Variants in JMJD1C observed in about 807,000 individuals in gnomAD.
JMJD1C encodes jumonji domain containing 1C, also known as jumonji domain-containing protein 1C.
Under a neutral mutation model 245.3 loss-of-function variants are expected in JMJD1C, and 31 were observed. The observed-to-expected ratio is 0.13, with a 90% CI of 0.09 to 0.17. The LOEUF (loss-of-function observed/expected upper bound fraction) is 0.17. Ranked by LOEUF, JMJD1C falls within the 10% of genes least tolerant of loss-of-function variation. The pLI is 1.00. For missense variants in JMJD1C, 2,691 were observed against 3,000.2 expected (o/e 0.90, Z 2.41); for synonymous variants, 1,057 against 1,017.4 (o/e 1.04, Z -0.74).
chr10:63,281,317 TTTTTG>T (rs1434984139), intron 2 of JMJD1C, among the ~76,000 whole-genome samples: 3 of 143,252 alleles, frequency 2.1e-5, no homozygotes, highest in Admixed American at 6.7e-5. Context: ...CTGTTTTTTT[TTTTTG>T]TTTGTTTTTT....
intron 1 of JMJD1C, among the ~76,000 whole-genome samples, chr10:63,444,228 GAATT>G (rs1951557979): frequency 6.6e-6 from 1 of 152,054 alleles, no homozygotes; most frequent in Admixed American, 6.5e-5. Flanking sequence ...GCATCTCAAA[GAATT>G]AAAGATAAAT....
Position 63,207,663 on chromosome 10 carries a change from C to G in JMJD1C, c.4006G>C (p.Gly1336Arg), listed in dbSNP as rs1846802545. The G allele has an allele frequency of 3.7e-6, 6 of 1,614,088 alleles. No homozygotes were observed. In the East Asian group the frequency reaches 1.3e-4, roughly 36 times the overall value. The change falls in exon 10 of 26, where the codon GGG becomes CGG. Residue 1336 changes from glycine to arginine, a missense_variant. Coordinates refer to ENST00000399262, the MANE Select transcript of JMJD1C (RefSeq NM_032776.3). Reference protein sequence around the residue: ...KDRVSERSSAGAHKTDCLKLA... With the variant: ...KDRVSERSSARAHKTDCLKLA... ...TTGAGGCAATCTGTTTTATGTGCCCCAGCTGAAGATCTTTCACTAACACGA... is the reference window on the plus strand; with the variant it reads ...TTGAGGCAATCTGTTTTATGTGCCCGAGCTGAAGATCTTTCACTAACACGA...
intron 3 of JMJD1C, among the ~76,000 whole-genome samples, chr10:63,225,756 G>A (rs1849192858): frequency 6.6e-6 from 1 of 150,460 alleles, no homozygotes; most frequent in Non-Finnish European, 1.5e-5. Context: ...TCCAGCCCGG[G>A]CAGCAAGAGC....
At chr10:63,359,848 G>A (rs1156970654) in intron 2 of JMJD1C, among the ~76,000 whole-genome samples, 1 of 151,900 alleles carries the variant, frequency 6.6e-6, no homozygotes, top group African/African-American at 2.4e-5. Context: ...GTTTCCATAT[G>A]GTAACCCGGT....
chr10:63,396,304 G>A (rs1948482018), intron 1 of JMJD1C, among the ~76,000 whole-genome samples: 1 of 152,098 alleles, frequency 6.6e-6, no homozygotes. Flanking sequence ...CACACTGTGG[G>A]CCGAAGATTA....
chr10:63,196,272 A>C (rs1295068210), intron 13 of JMJD1C, among the ~76,000 whole-genome samples: 3 of 152,124 alleles, frequency 2.0e-5, no homozygotes, highest in Non-Finnish European at 2.9e-5. Flanking sequence ...AAAAAGAAAA[A>C]GAAAAAGAGA....
At chr10:63,506,538 CT>C (rs1564977262) in intron 1 of JMJD1C, among the ~76,000 whole-genome samples, 1 of 152,152 alleles carries the variant, frequency 6.6e-6, no homozygotes, top group African/African-American at 2.4e-5. Context: ...CTGGAAAAGC[CT>C]AGCTGCTTTT....
chr10:63,426,541 C>G (rs1589726118), intron 1 of JMJD1C, among the ~76,000 whole-genome samples: 1 of 151,948 alleles, frequency 6.6e-6, no homozygotes, highest in Non-Finnish European at 1.5e-5. Context: ...CGTGGTGGTG[C>G]GCGCCTGTAA....
intron 1 of JMJD1C, among the ~76,000 whole-genome samples, chr10:63,460,144 T>C (rs949714337): frequency 1.1e-4 from 16 of 151,898 alleles, no homozygotes; most frequent in African/African-American, 1.7e-4. Context: ...AACCACACAA[T>C]TGGATAAAAG....
At chr10:63,296,460 C>T (rs1859444432) in intron 2 of JMJD1C, among the ~76,000 whole-genome samples, 3 of 152,174 alleles carry the variant, frequency 2.0e-5, no homozygotes, top group African/African-American at 7.2e-5. Context: ...CTCGGCACTA[C>T]ATTTGGGGAG....
In JMJD1C at chr10:63,279,203, C is replaced by T. The variant is rs185413690; in HGVS notation, c.334-14439G>A. ...AGGCAGAGGTTGCAGTGAGCTAAGA[C>T]GGTGCCATTGCACTCCAGCCTGGGC... On this transcript the variant is annotated intron_variant, in intron 2 of 25. Transcript: ENST00000399262. Among the ~76,000 whole-genome samples the T allele has an allele frequency of 3.7e-3, 561 of 150,830 alleles. 4 individuals carry two copies. Among genetic ancestry groups the T allele is most frequent in the South Asian group, 0.029 (138 of 4,724 alleles).
intron 2 of JMJD1C, among the ~76,000 whole-genome samples, chr10:63,305,683 T>TGTGTGTGTGTGTG (rs71025152): frequency 1.1e-3 from 160 of 146,430 alleles, no homozygotes; most frequent in Non-Finnish European, 1.7e-3. Context: ...TGTGTGTGTG[T>TGTGTGTGTGTGTG]TGAAAGATCT....
intron 1 of JMJD1C, among the ~76,000 whole-genome samples, chr10:63,401,517 T>C (rs908363950): frequency 6.6e-6 from 1 of 152,170 alleles, no homozygotes; most frequent in Non-Finnish European, 1.5e-5. Flanking sequence ...GTATTGTTAC[T>C]GATTTCAAAT....
At chr10:63,470,522 G>T (rs925861790), upstream of JMJD1C, among the ~76,000 whole-genome samples, 3 of 152,108 alleles carry the variant, frequency 2.0e-5, no homozygotes, top group Admixed American at 6.5e-5. Context: ...GATACAGAAG[G>T]AAGAGTTACA....
intron 2 of JMJD1C, among the ~76,000 whole-genome samples, chr10:63,299,384 G>T (rs1344012190): frequency 1.4e-5 from 2 of 146,726 alleles, no homozygotes; most frequent in Admixed American, 6.8e-5. Flanking sequence ...TAGAGATGAG[G>T]TTTCACCATG....
intron 1 of JMJD1C, among the ~76,000 whole-genome samples, chr10:63,506,339 A>T (rs1396943016): frequency 1.3e-5 from 2 of 152,228 alleles, no homozygotes; most frequent in Non-Finnish European, 2.9e-5. Context: ...AGAGAAAAGG[A>T]ACTTGTAAAA....
Position 63,192,921 on chromosome 10 carries a change from TAATC to T in JMJD1C, c.6076+13_6076+16del, listed in dbSNP as rs1265791439. The T allele has an allele frequency of 6.3e-7, 1 of 1,578,668 alleles. No individual in the cohort carries two copies. The highest frequency in any genetic ancestry group is 8.7e-7 in the Non-Finnish European group (1 of 1,148,474). On this transcript the variant is annotated intron_variant, in intron 16 of 25. Transcript: ENST00000399262. ...TATACTCCTCTCACACATGCCTAGATAATCAATTATGTTTACCTTTTTTTTCCTC... is the reference window on the plus strand; with the variant it reads ...TATACTCCTCTCACACATGCCTAGATAATTATGTTTACCTTTTTTTTCCTC...
At chr10:63,492,743 T>G (rs1026789920) in intron 1 of JMJD1C, among the ~76,000 whole-genome samples, 2 of 151,544 alleles carry the variant, frequency 1.3e-5, no homozygotes, top group African/African-American at 4.8e-5. Context: ...ATAAAAATAA[T>G]CACTAAAAAT....
rs1402863994 is a variant in JMJD1C, at chr10:63,432,985, GTTC to G, written c.168+32507_168+32509del. 2.6e-5 allele frequency among the ~76,000 whole-genome samples: 4 copies of G among 152,110 alleles called. No individual in the cohort carries two copies. In the East Asian group the frequency reaches 5.8e-4, roughly 22 times the overall value. Reference sequence around the variant, plus strand: ...GTGATGCTTTCATTAACTGTCCTGAGTTCTTCTCTTCACTGTCAACCTACCATA... The same window carrying G: ...GTGATGCTTTCATTAACTGTCCTGAGTTCTCTTCACTGTCAACCTACCATA... On this transcript the variant is annotated intron_variant, in intron 1 of 25. Coordinates refer to ENST00000399262, the MANE Select transcript of JMJD1C (RefSeq NM_032776.3).
Sources: gnomAD v4.1 joint callset for allele counts (sites outside exome capture counted in the v4.1 genomes callset) on GRCh38, gnomAD v4.1.1 for gene constraint, MANE v1.5 for transcripts, NCBI Gene and HGNC (gene_info 2026-07-23, HGNC 2026-07-21) for gene names.